PARP16: variants seen among roughly 807,000 people sequenced by gnomAD.
PARP16 encodes the protein protein mono-ADP-ribosyltransferase PARP16.
In PARP16, 31 loss-of-function variants were observed where a neutral mutation model predicts 35.0. That is an observed-to-expected ratio of 0.88 (90% CI 0.66 to 1.19). PARP16 has a LOEUF of 1.19. Ranked by LOEUF, PARP16 falls within the 50% of genes most tolerant of loss-of-function variation. The probability of loss-of-function intolerance (pLI) is 0.00; values close to 1 mark genes in which losing one functional copy is unlikely to be tolerated. For missense variants in PARP16, 424 were observed against 411.2 expected (o/e 1.03, Z -0.27); for synonymous variants, 162 against 169.5 (o/e 0.96, Z 0.34).
chr15:65,253,400 G>A (rs1189770369), downstream of PARP16, among the ~76,000 whole-genome samples: 3 of 149,270 alleles, frequency 2.0e-5, no homozygotes, highest in East Asian at 4.1e-4. Flanking sequence ...GCGGGATCTC[G>A]GCTCACTGCA....
intron 3 of PARP16, 26 bp from the exon 4 acceptor site, chr15:65,263,346 G>A (rs902411287): frequency 1.3e-6 from 2 of 1,541,508 alleles, no homozygotes; most frequent in Non-Finnish European, 1.8e-6. Flanking sequence ...CAATGGAAAA[G>A]AAACACAGAT....
chr15:65,270,335 G>A (rs1349829694), intron 2 of PARP16, among the ~76,000 whole-genome samples: 1 of 152,196 alleles, frequency 6.6e-6, no homozygotes, highest in Non-Finnish European at 1.5e-5. Context: ...GCCCCACTTT[G>A]AGGTAACTAT....
rs151155368 is a variant in PARP16 at position 65,247,101 on chromosome 15, C to T, written c.*97+1016G>A. On this transcript the variant is annotated intron_variant and NMD_transcript_variant, in intron 3 of 3. Coordinates refer to the PARP16 transcript ENST00000559805. ...GACCTCCTGGGCTCAAGCAGTCTTC[C>T]AGCCTTAGCCTCCTGAGTAGCCAGG... Among the ~76,000 whole-genome samples the T allele has an allele frequency of 4.1e-3, 625 of 152,152 alleles. 6 individuals are homozygous for T. Among genetic ancestry groups the T allele is most frequent in the African/African-American group, 0.014 (594 of 41,492 alleles).
At chr15:65,255,147 T>C (rs1429593375), downstream of PARP16, among the ~76,000 whole-genome samples, 1 of 152,086 alleles carries the variant, frequency 6.6e-6, no homozygotes, top group South Asian at 2.1e-4. Flanking sequence ...CTCCCTGAGA[T>C]TTTGGGTCAG....
intron 3 of PARP16, among the ~76,000 whole-genome samples, chr15:65,235,135 T>C (rs1162692661): frequency 6.6e-6 from 1 of 151,114 alleles, no homozygotes; most frequent in African/African-American, 2.4e-5. Context: ...CCCTAGAACT[T>C]AAAGTATATT....
intron 1 of PARP16, among the ~76,000 whole-genome samples, chr15:65,277,292 A>G (rs554975502): frequency 1.3e-4 from 20 of 152,126 alleles, no homozygotes; most frequent in African/African-American, 4.8e-4. Context: ...TCTGTACTCA[A>G]TAATTGTATT....
At chr15:65,277,922 C>T (rs1289056122) in intron 1 of PARP16, among the ~76,000 whole-genome samples, 1 of 152,132 alleles carries the variant, frequency 6.6e-6, no homozygotes, top group African/African-American at 2.4e-5. Context: ...AAGAAATCAC[C>T]ATCTAGGCAA....
intron 2 of PARP16, among the ~76,000 whole-genome samples, chr15:65,267,603 T>A (rs191664587): frequency 0.016 from 2,139 of 131,834 alleles, 37 homozygotes; most frequent in Non-Finnish European, 0.025. Flanking sequence ...CGAGACTCCG[T>A]CTCAAAAAAT....
At chr15:65,284,100 T>G (rs1595726607) in intron 1 of PARP16, among the ~76,000 whole-genome samples, 2 of 152,136 alleles carry the variant, frequency 1.3e-5, no homozygotes, top group East Asian at 1.9e-4. Flanking sequence ...ACACTGATGA[T>G]TTCATCAGAG....
At position 65,286,670 on chromosome 15, in the gene PARP16, C is replaced by T; in HGVS notation, c.-244G>A. ...GACCGAGGCCTGGACCGCGGGTCGG[C>T]GGGGAGGTTGGGCCCAGGGATAAAG... On this transcript the variant is annotated 5_prime_UTR_variant, in exon 1 of 6. Transcript: ENST00000649807. The T allele has an allele frequency of 6.9e-6, 1 of 144,030 alleles. No homozygotes were observed. Among genetic ancestry groups the T allele is most frequent in the Non-Finnish European group, 1.3e-5 (1 of 79,080 alleles). The allele number at this position is 144,030 out of a possible 1,614,324, so 8.9% of individuals were successfully genotyped here.
At chr15:65,238,129 T>C (rs1395821815) in intron 3 of PARP16, among the ~76,000 whole-genome samples, 1 of 151,886 alleles carries the variant, frequency 6.6e-6, no homozygotes, top group Non-Finnish European at 1.5e-5. Flanking sequence ...CTACTAAAAA[T>C]ACAAAAAATT....
At position 65,250,063 on chromosome 15, in the gene PARP16, T is replaced by C. The variant is rs139619747; in HGVS notation, c.203-1835A>G. On this transcript the variant is annotated intron_variant and NMD_transcript_variant, in intron 2 of 3. Coordinates refer to the PARP16 transcript ENST00000559805. ...TCCTATGCCACCAGCCTAGGTCTTC[T>C]TTGCTCAGACAGCCCCTCTAGCTGC... Among the ~76,000 whole-genome samples the C allele has an allele frequency of 9.9e-5, 15 of 151,782 alleles. No homozygotes were observed. In the East Asian group the frequency reaches 2.9e-3, roughly 29 times the overall value.
At chr15:65,232,742 A>G (rs1006347913), downstream of PARP16, among the ~76,000 whole-genome samples, 2 of 152,094 alleles carry the variant, frequency 1.3e-5, no homozygotes, top group African/African-American at 2.4e-5. Flanking sequence ...ATTCTCCACA[A>G]AAAGAAAAAA....
chr15:65,271,326 A>C (rs1290448435), intron 1 of PARP16, among the ~76,000 whole-genome samples: 10 of 151,410 alleles, frequency 6.6e-5, no homozygotes, highest in Admixed American at 6.6e-4. Flanking sequence ...CAGGCTGGAG[A>C]GCAGTGGCAT....
chr15:65,280,854 T>A (rs1374799768), intron 1 of PARP16, among the ~76,000 whole-genome samples: 1 of 152,114 alleles, frequency 6.6e-6, no homozygotes, highest in Non-Finnish European at 1.5e-5. Context: ...GGAGGCCCAA[T>A]TAGAGCAGTT....
chr15:65,232,185 G>A (rs2088785476), downstream of PARP16, among the ~76,000 whole-genome samples: 1 of 152,128 alleles, frequency 6.6e-6, no homozygotes, highest in African/African-American at 2.4e-5. Context: ...GGGAAATTAA[G>A]ATAGGCATTT....
At chr15:65,239,806 T>G (rs2089000609) in intron 3 of PARP16, among the ~76,000 whole-genome samples, 1 of 147,570 alleles carries the variant, frequency 6.8e-6, no homozygotes. Flanking sequence ...ACAGGCACCT[T>G]CCACCACGCC....
At chr15:65,250,684 C>G (rs776010685) in intron 2 of PARP16, among the ~76,000 whole-genome samples, 3 of 152,160 alleles carry the variant, frequency 2.0e-5, no homozygotes, top group Non-Finnish European at 4.4e-5. Flanking sequence ...GAGGGCCAGG[C>G]TCCTCCAGTG....
chr15:65,268,332 T>C (rs1025239315), intron 2 of PARP16, among the ~76,000 whole-genome samples: 1 of 152,190 alleles, frequency 6.6e-6, no homozygotes, highest in Non-Finnish European at 1.5e-5. Flanking sequence ...GCTTCCAGCA[T>C]GGTGGCCATC....
Sources: allele counts gnomAD v4.1 joint callset (sites outside exome capture counted in the v4.1 genomes callset), GRCh38; gene constraint gnomAD v4.1.1; transcripts MANE v1.5; gene names NCBI Gene and HGNC (gene_info 2026-07-23, HGNC 2026-07-21).